Variants in COLEC12 observed in about 807,000 individuals in gnomAD.
COLEC12 encodes the protein collectin subfamily member 12.
COLEC12 carries 33 observed loss-of-function variants against 71.1 expected under a neutral mutation model. The observed-to-expected ratio is 0.46, with a 90% CI of 0.35 to 0.62. COLEC12 has a LOEUF of 0.62. COLEC12 is among the 20% of genes least tolerant of loss of function. The pLI, the probability that COLEC12 is intolerant of heterozygous loss-of-function variation, is 0.00. For missense variants in COLEC12, 765 were observed against 916.1 expected, an observed-to-expected ratio of 0.84 and a Z score of 2.13; for synonymous variants, 350 against 353.0, an observed-to-expected ratio of 0.99 and a Z score of 0.10.
intron 2 of COLEC12, among the ~76,000 whole-genome samples, chr18:441,226 C>T (rs374998381): frequency 2.3e-4 from 34 of 150,408 alleles, no homozygotes; most frequent in East Asian, 3.9e-4. Flanking sequence ...CCAGCCTGGG[C>T]GACAGAGCGA....
chr18:343,974 A>C (rs1209388531), intron 5 of COLEC12, among the ~76,000 whole-genome samples: 1 of 152,250 alleles, frequency 6.6e-6, no homozygotes, highest in Non-Finnish European at 1.5e-5. Flanking sequence ...TTCAAATACT[A>C]GCTTTTCATG....
intron 2 of COLEC12, among the ~76,000 whole-genome samples, chr18:387,914 A>T (rs751876039): frequency 1.3e-5 from 2 of 152,228 alleles, no homozygotes; most frequent in South Asian, 2.1e-4. Context: ...AGAAATTGTC[A>T]GTTCAGCCAA....
At position 349,325 on chromosome 18, in the gene COLEC12, A is replaced by G. The variant is rs117348907; in HGVS notation, c.182-1162T>C. 0.02 allele frequency among the ~76,000 whole-genome samples: 3,052 copies of G among 152,330 alleles called. 222 individuals carry two copies. In the East Asian group the frequency reaches 0.26, roughly 13 times the overall value. On this transcript the variant is annotated intron_variant, in intron 3 of 9. Transcript: ENST00000400256. The stretch of plus-strand genomic sequence containing the variant: ...GAGGGTGCAAGTCTCAAGCCTTGGC[A>G]GCTTTCATGTGTTGTTGAGCCTGTG...
chr18:406,235 C>T (rs560572212), intron 2 of COLEC12, among the ~76,000 whole-genome samples: 28 of 152,274 alleles, frequency 1.8e-4, no homozygotes, highest in African/African-American at 6.5e-4. Flanking sequence ...CCAGGCCGGG[C>T]GCAGTGGCTC....
chr18:463,371 C>A (rs1156459436), intron 2 of COLEC12, among the ~76,000 whole-genome samples: 1 of 152,164 alleles, frequency 6.6e-6, no homozygotes, highest in Non-Finnish European at 1.5e-5. Context: ...AGCATCTGTA[C>A]CCAACTATAA....
intron 2 of COLEC12, among the ~76,000 whole-genome samples, chr18:443,524 C>T (rs1392098003): frequency 1.3e-5 from 2 of 152,134 alleles, no homozygotes; most frequent in Admixed American, 1.3e-4. Context: ...TTCAGGTTTT[C>T]ATGGGAACAT....
chr18:421,524 A>G (rs2846650), intron 2 of COLEC12, among the ~76,000 whole-genome samples: 103,188 of 151,978 alleles, frequency 0.68, 35,991 homozygotes, highest in East Asian at 1. Context: ...GAGGAATGTA[A>G]GAGAAATATG....
chr18:331,008 T>A (rs570348018), intron 8 of COLEC12, among the ~76,000 whole-genome samples: 1 of 151,944 alleles, frequency 6.6e-6, no homozygotes, highest in Non-Finnish European at 1.5e-5. Flanking sequence ...GCCTCCCGAG[T>A]AGCTGGCATC....
At chr18:469,341 T>C (rs966532459) in intron 2 of COLEC12, among the ~76,000 whole-genome samples, 1 of 152,262 alleles carries the variant, frequency 6.6e-6, no homozygotes, top group African/African-American at 2.4e-5. Context: ...GTTTGTAGGT[T>C]GGCTGATATT....
chr18:404,421 AT>A (rs1265682869), intron 2 of COLEC12, among the ~76,000 whole-genome samples: 2 of 152,140 alleles, frequency 1.3e-5, no homozygotes, highest in African/African-American at 4.8e-5. Flanking sequence ...CTAGCTTATG[AT>A]GTTGTAAGCC....
intron 2 of COLEC12, among the ~76,000 whole-genome samples, chr18:429,827 T>C (rs1916267580): frequency 6.6e-6 from 1 of 152,210 alleles, no homozygotes; most frequent in South Asian, 2.1e-4. Context: ...TCGTAAAGAT[T>C]CCTCATCCAT....
chr18:377,483 G>A (rs72859250), intron 2 of COLEC12, among the ~76,000 whole-genome samples: 23,273 of 152,150 alleles, frequency 0.15, 2,274 homozygotes, highest in South Asian at 0.28. Context: ...TGCAATCTGC[G>A]GTGTCTTGGG....
intron 2 of COLEC12, among the ~76,000 whole-genome samples, chr18:391,384 T>C (rs1203143129): frequency 2.0e-5 from 3 of 152,252 alleles, no homozygotes; most frequent in African/African-American, 7.2e-5. Context: ...TTTGAAACCT[T>C]TGGCAAATAA....
intron 2 of COLEC12, among the ~76,000 whole-genome samples, chr18:475,842 G>C (rs1917293049): frequency 6.6e-6 from 1 of 152,146 alleles, no homozygotes; most frequent in Non-Finnish European, 1.5e-5. Context: ...TTGGAGGCTG[G>C]GTTTGGAAGG....
At chr18:337,303 C>A (rs1914141220) in intron 5 of COLEC12, among the ~76,000 whole-genome samples, 1 of 152,178 alleles carries the variant, frequency 6.6e-6, no homozygotes. Flanking sequence ...TCCCATTGGT[C>A]TGAGGACAGG....
intron 2 of COLEC12, among the ~76,000 whole-genome samples, chr18:442,135 C>T (rs1916555509): frequency 6.6e-6 from 1 of 151,474 alleles, no homozygotes; most frequent in Non-Finnish European, 1.5e-5. Context: ...TTCCTTAATG[C>T]TGGGGATGTT....
chr18:438,177 A>G (rs1916443699), intron 2 of COLEC12, among the ~76,000 whole-genome samples: 1 of 152,238 alleles, frequency 6.6e-6, no homozygotes, highest in South Asian at 2.1e-4. Flanking sequence ...GATATAAAAA[A>G]GTAGATATGA....
intron 2 of COLEC12, among the ~76,000 whole-genome samples, chr18:441,712 G>A (rs1297022504): frequency 6.6e-6 from 1 of 152,038 alleles, no homozygotes; most frequent in Non-Finnish European, 1.5e-5. Flanking sequence ...ACAGGAAACT[G>A]ACCAGGCACA....
intron 1 of COLEC12, among the ~76,000 whole-genome samples, chr18:490,395 C>G (rs941032650): frequency 1.3e-5 from 2 of 152,056 alleles, no homozygotes; most frequent in African/African-American, 4.8e-5. Flanking sequence ...TAGCAGGTAA[C>G]TGAAAGAGGT....
Sources: allele counts gnomAD v4.1 joint callset (sites outside exome capture counted in the v4.1 genomes callset), GRCh38; gene constraint gnomAD v4.1.1; transcripts MANE v1.5; gene names NCBI Gene and HGNC (gene_info 2026-07-23, HGNC 2026-07-21).